FBXL5: variants seen among roughly 807,000 people sequenced by gnomAD.
FBXL5 encodes the protein F-box/LRR-repeat protein 5.
Under a neutral mutation model 78.3 loss-of-function variants are expected in FBXL5, and 26 were observed. The ratio of observed to expected loss-of-function variants is 0.33; its 90% CI spans 0.24 to 0.46. The LOEUF (loss-of-function observed/expected upper bound fraction) is 0.46, where lower values mean the gene tolerates loss of function less well. Among genes scored for constraint, FBXL5 ranks in the 20% least tolerant of loss-of-function variants. The pLI is 1.00. For missense variants in FBXL5, 710 were observed against 829.2 expected (o/e 0.86, Z 1.77); for synonymous variants, 295 against 282.5 (o/e 1.04, Z -0.45).
chr4:15,660,279 C>G (rs919701257), upstream of FBXL5, among the ~76,000 whole-genome samples: 3 of 152,074 alleles, frequency 2.0e-5, no homozygotes, highest in African/African-American at 7.2e-5. Context: ...GGTGCAGTCT[C>G]ATGATGTTGC....
chr4:15,629,970 A>C (rs372423756), intron 6 of FBXL5, among the ~76,000 whole-genome samples: 12 of 152,286 alleles, frequency 7.9e-5, no homozygotes, highest in Middle Eastern at 3.4e-3. Flanking sequence ...ATTATCTAGA[A>C]TATCCAAGAC....
chr4:15,644,400 A>G, intron 2 of FBXL5, 93 bp downstream of exon 2: 2 of 1,012,274 alleles, frequency 2.0e-6, no homozygotes, highest in Admixed American at 4.7e-5. Flanking sequence ...TCAACATTAC[A>G]TCATTTACTA....
intron 4 of FBXL5, among the ~76,000 whole-genome samples, chr4:15,637,902 T>TAAA (rs10711266): frequency 2.2e-4 from 32 of 144,852 alleles, no homozygotes; most frequent in African/African-American, 7.1e-4. Flanking sequence ...CTAGTTTTTT[T>TAAA]AAAAAAAAAA....
chr4:15,658,350 C>T (rs1426099521), upstream of FBXL5, among the ~76,000 whole-genome samples: 1 of 152,206 alleles, frequency 6.6e-6, no homozygotes, highest in Non-Finnish European at 1.5e-5. Context: ...TTAGGAATTG[C>T]TGTGGTTTGA....
chr4:15,647,222 C>CAAAAAAAAA (rs112736448), intron 1 of FBXL5, among the ~76,000 whole-genome samples: 18 of 36,504 alleles, frequency 4.9e-4, no homozygotes, highest in East Asian at 1.9e-3. Flanking sequence ...GACTCCATCT[C>CAAAAAAAAA]AAAAAAAAAA....
At chr4:15,620,750 G>A (rs753385881) in intron 9 of FBXL5, among the ~76,000 whole-genome samples, 1 of 152,230 alleles carries the variant, frequency 6.6e-6, no homozygotes, top group African/African-American at 2.4e-5. Context: ...TGGAAGGTCG[G>A]GGGTTTACGG....
intron 1 of FBXL5, among the ~76,000 whole-genome samples, chr4:15,675,247 A>C (rs566847185): frequency 4.4e-4 from 67 of 152,296 alleles, no homozygotes; most frequent in Middle Eastern, 3.4e-3. Context: ...TTTTCTTCAA[A>C]TTAAGATTAA....
intron 6 of FBXL5, among the ~76,000 whole-genome samples, chr4:15,629,321 T>G (rs141788248): frequency 1.1e-3 from 174 of 152,160 alleles, no homozygotes; most frequent in Non-Finnish European, 2.3e-3. Context: ...GTATTATGAA[T>G]TAATTTTCTA....
intron 1 of FBXL5, among the ~76,000 whole-genome samples, chr4:15,653,543 TATAATTTCAG>T (rs1337262154): frequency 6.6e-6 from 1 of 152,108 alleles, no homozygotes; most frequent in Admixed American, 6.5e-5. Context: ...AAATTTTCCA[TATAATTTCAG>T]GTGATCCTAG....
intron 9 of FBXL5, among the ~76,000 whole-genome samples, chr4:15,616,847 T>C (rs1711940450): frequency 6.6e-6 from 1 of 152,224 alleles, no homozygotes; most frequent in African/African-American, 2.4e-5. Context: ...AGTGAGGATG[T>C]TGTGTTCAGA....
intron 1 of FBXL5, among the ~76,000 whole-genome samples, chr4:15,670,385 C>T (rs1717710439): frequency 6.6e-6 from 1 of 152,210 alleles, no homozygotes. Context: ...TCATCCTTGG[C>T]AGTATTCTTT....
At chr4:15,626,099 T>C (rs1713034367) in intron 8 of FBXL5, 122 bp from the exon 9 acceptor site, 1 of 879,760 alleles carries the variant, frequency 1.1e-6, no homozygotes, top group Non-Finnish European at 1.7e-6. Context: ...CTTAAGTATT[T>C]AGTGAATTAT....
upstream of FBXL5, chr4:15,656,470 ATT>A (rs1247396856): frequency 5.8e-6 from 2 of 346,094 alleles, no homozygotes; most frequent in Non-Finnish European, 1.2e-5. Flanking sequence ...CTTGTTCTCT[ATT>A]ATCTATCACA....
chr4:15,616,764 C>T (rs10034328), intron 9 of FBXL5, among the ~76,000 whole-genome samples: 43,450 of 152,106 alleles, frequency 0.29, 6,549 homozygotes, highest in East Asian at 0.47. Flanking sequence ...GTATTTTGCC[C>T]GGCTCTCTAA....
At chr4:15,645,312 TA>T (rs1435886393) in intron 1 of FBXL5, among the ~76,000 whole-genome samples, 1 of 152,148 alleles carries the variant, frequency 6.6e-6, no homozygotes, top group East Asian at 1.9e-4. Flanking sequence ...CTATAAAAAG[TA>T]GTGCGGATTA....
intron 10 of FBXL5, among the ~76,000 whole-genome samples, chr4:15,608,580 A>G (rs938595970): frequency 6.6e-6 from 1 of 151,266 alleles, no homozygotes; most frequent in African/African-American, 2.4e-5. Context: ...CAGTGAGTAG[A>G]CACATTTTAT....
intron 5 of FBXL5, chr4:15,636,287 T>G (rs920582088): frequency 2.9e-5 from 12 of 411,330 alleles, no homozygotes; most frequent in Non-Finnish European, 4.7e-5. Flanking sequence ...TCCTAATTTT[T>G]TTTAATTACA....
chr4:15,642,587 G>A (rs186296515), intron 2 of FBXL5, among the ~76,000 whole-genome samples: 35 of 152,162 alleles, frequency 2.3e-4, no homozygotes, highest in Non-Finnish European at 4.1e-4. Context: ...AGTCTTCTCT[G>A]GTCTCTTTTT....
chr4:15,607,081 T>C (rs1721939957), intron 10 of FBXL5, among the ~76,000 whole-genome samples: 1 of 152,176 alleles, frequency 6.6e-6, no homozygotes, highest in African/African-American at 2.4e-5. Context: ...TAATAAACAT[T>C]ACGCAAATAT....
Sources: gnomAD v4.1 joint callset for allele counts (sites outside exome capture counted in the v4.1 genomes callset) on GRCh38, gnomAD v4.1.1 for gene constraint, MANE v1.5 for transcripts, NCBI Gene and HGNC (gene_info 2026-07-23, HGNC 2026-07-21) for gene names.